The following NKAIN2 variants were observed in gnomAD, a reference collection of about 807,000 sequenced individuals.
The protein encoded by NKAIN2 is sodium/potassium transporting ATPase interacting 2, also known as sodium/potassium-transporting ATPase subunit beta-1-interacting protein 2.
A neutral mutation model predicts 32.6 loss-of-function variants in NKAIN2; 14 were observed. That is an observed-to-expected ratio of 0.43 (90% confidence interval 0.28 to 0.67). The LOEUF is 0.67. NKAIN2 is among the 30% of genes least tolerant of loss of function. The probability of loss-of-function intolerance (pLI) is 0.17; values close to 1 mark genes in which losing one functional copy is unlikely to be tolerated. For missense variants in NKAIN2, 198 were observed against 258.3 expected (o/e 0.77, Z 1.60); for synonymous variants, 80 against 87.2 (o/e 0.92, Z 0.46).
At chr6:124,393,491 G>A (rs758684732) in intron 3 of NKAIN2, among the ~76,000 whole-genome samples, 3 of 152,078 alleles carry the variant, frequency 2.0e-5, no homozygotes, top group Admixed American at 1.3e-4. Flanking sequence ...ACAGACAAAC[G>A]CTTCTTCTCT....
chr6:124,189,025 G>T lies in NKAIN2; in HGVS notation c.55-93980G>T, dbSNP rs531885370. 1.2e-3 allele frequency among the ~76,000 whole-genome samples: 184 copies of T among 152,196 alleles called. 3 individuals carry two copies. In the South Asian group the frequency reaches 0.038, roughly 31 times the overall value. On this transcript the variant is annotated intron_variant, in intron 1 of 6. Transcript: ENST00000368417. ...GGAGAAACATTTTAGTTAAACACCA[G>T]ATTTTCTAATACATCACTGATTTAA...
At chr6:124,245,360 A>G (rs1359835842) in intron 1 of NKAIN2, among the ~76,000 whole-genome samples, 2 of 152,100 alleles carry the variant, frequency 1.3e-5, no homozygotes, top group Non-Finnish European at 2.9e-5. Context: ...ATATTTGGCA[A>G]TTTATGCCAA....
At chr6:124,447,805 G>A (rs371071189) in intron 3 of NKAIN2, among the ~76,000 whole-genome samples, 1 of 152,066 alleles carries the variant, frequency 6.6e-6, no homozygotes, top group Non-Finnish European at 1.5e-5. Context: ...GTTTGTGGAG[G>A]TGCAACTGAA....
At chr6:124,154,727 C>T (rs889633408) in intron 1 of NKAIN2, among the ~76,000 whole-genome samples, 3 of 151,920 alleles carry the variant, frequency 2.0e-5, no homozygotes, top group Non-Finnish European at 4.4e-5. Flanking sequence ...GAATTGTGTT[C>T]TTCTTATTTA....
chr6:124,141,871 C>G (rs1341311747), intron 1 of NKAIN2, among the ~76,000 whole-genome samples: 2 of 152,114 alleles, frequency 1.3e-5, no homozygotes, highest in African/African-American at 4.8e-5. Flanking sequence ...TGAATTGCAA[C>G]CAGTTCACAA....
intron 1 of NKAIN2, among the ~76,000 whole-genome samples, chr6:123,928,906 T>A (rs906268267): frequency 6.6e-6 from 1 of 152,130 alleles, no homozygotes; most frequent in Non-Finnish European, 1.5e-5. Flanking sequence ...ATTAATGCAA[T>A]AGAATTCTGT....
intron 4 of NKAIN2, among the ~76,000 whole-genome samples, chr6:124,759,996 G>A (rs550491604): frequency 1.3e-5 from 2 of 152,106 alleles, no homozygotes; most frequent in Non-Finnish European, 2.9e-5. Flanking sequence ...CAGGAGAAGT[G>A]AATGGAACAG....
At position 124,105,393 on chromosome 6, in the gene NKAIN2, C is replaced by T. The variant is rs544599358; in HGVS notation, c.55-177612C>T. 1.3e-4 allele frequency among the ~76,000 whole-genome samples: 20 copies of T among 152,146 alleles called. No homozygotes were observed. The South Asian group carries it at 4.2e-3, about 32-fold the overall frequency. ...TGTAGTTATAAGAGGAGAGCGCCAG[C>T]CTCAGTTTTTGTATTAATGGTGGTG... On this transcript the variant is annotated intron_variant, in intron 1 of 6. Transcript: ENST00000368417.
chr6:124,481,587 A>G (rs1305903039), intron 3 of NKAIN2, among the ~76,000 whole-genome samples: 1 of 152,186 alleles, frequency 6.6e-6, no homozygotes, highest in Non-Finnish European at 1.5e-5. Flanking sequence ...ACAGACTTTT[A>G]TCAACATTGG....
intron 1 of NKAIN2, among the ~76,000 whole-genome samples, chr6:123,845,401 T>A (rs1198189627): frequency 6.6e-6 from 1 of 152,214 alleles, no homozygotes; most frequent in Non-Finnish European, 1.5e-5. Flanking sequence ...AAAAGTGACA[T>A]GACAAATAGA....
At chr6:124,102,934 G>C (rs548387555) in intron 1 of NKAIN2, among the ~76,000 whole-genome samples, 4 of 151,950 alleles carry the variant, frequency 2.6e-5, no homozygotes, top group Admixed American at 1.3e-4. Flanking sequence ...TTTTTTGATC[G>C]ATCGATTATC....
rs932699010 is a variant in NKAIN2 at position 124,422,181 on chromosome 6, T to A, written c.273+66834T>A. Reference sequence around the variant, plus strand: ...TTTAATTTAGTATATGTCAGTTCTGTTATTTGGCCCAAGATACTCATTTCA... The same window carrying A: ...TTTAATTTAGTATATGTCAGTTCTGATATTTGGCCCAAGATACTCATTTCA... On this transcript the variant is annotated intron_variant, in intron 3 of 6. Transcript: ENST00000368417. Among the ~76,000 whole-genome samples the A allele has an allele frequency of 3.3e-5, 5 of 152,238 alleles. No homozygotes were observed. The South Asian group carries it at 6.2e-4, about 19-fold the overall frequency.
intron 1 of NKAIN2, among the ~76,000 whole-genome samples, chr6:124,211,110 A>G (rs556233031): frequency 2.0e-5 from 3 of 151,964 alleles, no homozygotes; most frequent in East Asian, 3.9e-4. Flanking sequence ...GGAACAATGT[A>G]TATATTGTGA....
chr6:124,212,374 G>C (rs777597595), intron 1 of NKAIN2, among the ~76,000 whole-genome samples: 1 of 152,052 alleles, frequency 6.6e-6, no homozygotes, highest in Non-Finnish European at 1.5e-5. Flanking sequence ...CTTAATTAGC[G>C]ACAGGCATTA....
At chr6:123,932,566 G>A (rs1288494486) in intron 1 of NKAIN2, among the ~76,000 whole-genome samples, 3 of 151,732 alleles carry the variant, frequency 2.0e-5, no homozygotes, top group Admixed American at 1.3e-4. Context: ...ACAGGTGTCC[G>A]CCAACCTGCC....
intron 3 of NKAIN2, among the ~76,000 whole-genome samples, chr6:124,506,805 C>G (rs1037516536): frequency 6.6e-6 from 1 of 152,162 alleles, no homozygotes; most frequent in Admixed American, 6.5e-5. Flanking sequence ...ATAACTTGAG[C>G]CTTTGCAAGG....
chr6:124,580,806 G>A (rs945516825), intron 3 of NKAIN2, among the ~76,000 whole-genome samples: 2 of 152,056 alleles, frequency 1.3e-5, no homozygotes, highest in Admixed American at 1.3e-4. Flanking sequence ...AAAATAAAGG[G>A]ATGGAAAAAG....
intron 3 of NKAIN2, among the ~76,000 whole-genome samples, chr6:124,642,201 G>A (rs1479044): frequency 0.038 from 5,748 of 152,162 alleles, 135 homozygotes; most frequent in Non-Finnish European, 0.056. Context: ...TTCTATAAAG[G>A]CAGCTTTCAT....
intron 3 of NKAIN2, among the ~76,000 whole-genome samples, chr6:124,642,983 C>G (rs918337583): frequency 6.6e-6 from 1 of 152,236 alleles, no homozygotes; most frequent in Middle Eastern, 3.4e-3. Context: ...TAATTAAGGT[C>G]AAGCACTCAG....
Sources: allele counts gnomAD v4.1 joint callset (sites outside exome capture counted in the v4.1 genomes callset), GRCh38; gene constraint gnomAD v4.1.1; transcripts MANE v1.5; gene names NCBI Gene and HGNC (gene_info 2026-07-23, HGNC 2026-07-21).